Variants in NRXN3 observed in about 807,000 individuals in gnomAD.
The protein encoded by NRXN3 is neurexin 3.
In NRXN3, 32 loss-of-function variants were observed where a neutral mutation model predicts 137.6. That is an observed-to-expected ratio of 0.23 (90% CI 0.18 to 0.31). The LOEUF (loss-of-function observed/expected upper bound fraction) is 0.31, where lower values mean the gene tolerates loss of function less well. NRXN3 is among the 10% of genes least tolerant of loss of function. The pLI, the probability that NRXN3 is intolerant of heterozygous loss-of-function variation, is 1.00. For synonymous variants in NRXN3, 798 were observed against 784.5 expected (o/e 1.02, Z -0.29); for missense variants, 1,574 against 2,062.5 (o/e 0.76, Z 4.59).
At chr14:79,810,235 G>T (rs2099226953) in intron 20 of NRXN3, among the ~76,000 whole-genome samples, 1 of 152,144 alleles carries the variant, frequency 6.6e-6, no homozygotes, top group African/African-American at 2.4e-5. Context: ...TAATAAGTGG[G>T]CATGGCAATA....
chr14:79,254,683 G>A (rs1338374513), intron 15 of NRXN3, among the ~76,000 whole-genome samples: 1 of 152,132 alleles, frequency 6.6e-6, no homozygotes, highest in Non-Finnish European at 1.5e-5. Flanking sequence ...GCTGCCATCA[G>A]TTGAGAGGAA....
At chr14:79,518,344 C>T (rs1047840032) in intron 16 of NRXN3, among the ~76,000 whole-genome samples, 1 of 151,928 alleles carries the variant, frequency 6.6e-6, no homozygotes, top group Non-Finnish European at 1.5e-5. Context: ...CTTCTATGAC[C>T]TATATGTGTC....
intron 16 of NRXN3, among the ~76,000 whole-genome samples, chr14:79,476,797 G>A (rs562676454): frequency 6.4e-4 from 97 of 152,060 alleles, no homozygotes; most frequent in Non-Finnish European, 1.3e-3. Context: ...TATAATTGGG[G>A]CAACTAAAGT....
intron 15 of NRXN3, among the ~76,000 whole-genome samples, chr14:79,295,544 C>T (rs893098563): frequency 6.6e-6 from 1 of 152,108 alleles, no homozygotes; most frequent in Non-Finnish European, 1.5e-5. Flanking sequence ...GTTCTGAGAG[C>T]AGAGACCTTG....
intron 16 of NRXN3, among the ~76,000 whole-genome samples, chr14:79,526,840 T>G (rs1447187085): frequency 6.6e-6 from 1 of 152,176 alleles, no homozygotes; most frequent in East Asian, 1.9e-4. Flanking sequence ...ACTAGGTGTG[T>G]GTGTTACAAA....
Position 79,864,421 on chromosome 14 carries a change from C to G in NRXN3, c.*2457C>G, listed in dbSNP as rs2099417036. The G allele has an allele frequency of 6.6e-6, 1 of 152,606 alleles. No individual in the cohort carries two copies. Among genetic ancestry groups the G allele is most frequent in the South Asian group, 2.1e-4 (1 of 4,832 alleles). 9.5% of individuals were successfully genotyped at this position (152,606 alleles called of 1,614,324 possible). On this transcript the variant is annotated 3_prime_UTR_variant, in exon 21 of 21. Transcript: ENST00000335750. ...AGCAATAAAATGTTCTTCCCAAAACCTTGTATGCTGATGCACTTTTATTTT... is the reference window on the plus strand; with the variant it reads ...AGCAATAAAATGTTCTTCCCAAAACGTTGTATGCTGATGCACTTTTATTTT...
chr14:78,630,327 A>G (rs2097507188), intron 4 of NRXN3, among the ~76,000 whole-genome samples: 1 of 152,204 alleles, frequency 6.6e-6, no homozygotes, highest in African/African-American at 2.4e-5. Flanking sequence ...CTACTTTTCT[A>G]TTTATTTAAA....
At chr14:78,690,780 G>A (rs375696470) in intron 6 of NRXN3, among the ~76,000 whole-genome samples, 1 of 152,168 alleles carries the variant, frequency 6.6e-6, no homozygotes, top group African/African-American at 2.4e-5. Context: ...AGGAGGAACC[G>A]ATGAGTTTGC....
chr14:79,113,449 T>C (rs1294005762), intron 15 of NRXN3, among the ~76,000 whole-genome samples: 1 of 152,194 alleles, frequency 6.6e-6, no homozygotes, highest in African/African-American at 2.4e-5. Context: ...TTTAGTCTCT[T>C]AATCGGCCTC....
At chr14:78,917,133 T>G (rs911684166) in intron 10 of NRXN3, among the ~76,000 whole-genome samples, 1 of 152,158 alleles carries the variant, frequency 6.6e-6, no homozygotes, top group Non-Finnish European at 1.5e-5. Flanking sequence ...AACACCTCAT[T>G]AAGCCTGGAA....
rs572582153 is a variant in NRXN3 at position 78,412,620 on chromosome 14, C to T, written c.757+114760C>T. ...AAGGTTAGAAATGTTAAGTAACTTA[C>T]CCAAGGTCACCCAGCCAGTAAGGGG... On this transcript the variant is annotated intron_variant, in intron 4 of 20. Transcript: ENST00000335750. Among the ~76,000 whole-genome samples, 6 of 152,246 alleles carry T rather than the reference C, an allele frequency of 3.9e-5. No individual in the cohort carries two copies. The South Asian group carries it at 1.2e-3, about 32-fold the overall frequency.
chr14:79,789,239 G>A (rs1224240638), intron 19 of NRXN3, among the ~76,000 whole-genome samples: 1 of 152,122 alleles, frequency 6.6e-6, no homozygotes, highest in Non-Finnish European at 1.5e-5. Flanking sequence ...GTCTGGGTAG[G>A]GAATTTTAGG....
rs115699671 is a variant in NRXN3 at position 79,014,056 on chromosome 14, G to A, written c.3262+25915G>A. Among the ~76,000 whole-genome samples the A allele has an allele frequency of 6.2e-3, 941 of 152,240 alleles. 9 individuals carry two copies. The highest frequency in any genetic ancestry group is 0.021 in the African/African-American group (893 of 41,544). On this transcript the variant is annotated intron_variant, in intron 15 of 20. Transcript: ENST00000335750. ...GGTTGGCACCATCATTCACTAAAGT[G>A]GCCTGAGAAGTAAAAAACCTCTGTA...
chr14:78,209,508 T>G (rs923393128), intron 1 of NRXN3, among the ~76,000 whole-genome samples: 22 of 152,210 alleles, frequency 1.4e-4, no homozygotes, highest in African/African-American at 4.1e-4. Flanking sequence ...TCGGCATGGC[T>G]GGGCAGGCCT....
chr14:79,698,288 TATC>T (rs961566548), intron 19 of NRXN3, among the ~76,000 whole-genome samples: 2 of 152,042 alleles, frequency 1.3e-5, no homozygotes, highest in Admixed American at 6.6e-5. Context: ...GAAAATCTGT[TATC>T]ATATGAAAAG....
At chr14:78,902,726 A>G (rs113313213) in intron 10 of NRXN3, among the ~76,000 whole-genome samples, 338 of 152,150 alleles carry the variant, frequency 2.2e-3, no homozygotes, top group African/African-American at 7.4e-3. Flanking sequence ...TCCTTGTCTA[A>G]CTGAGTCCAG....
intron 15 of NRXN3, among the ~76,000 whole-genome samples, chr14:79,030,098 T>C (rs1361152343): frequency 6.7e-6 from 1 of 149,724 alleles, no homozygotes; most frequent in Non-Finnish European, 1.5e-5. Context: ...CTCAAGCTGG[T>C]CTTGAACTCC....
chr14:79,031,826 A>C (rs1265803960), intron 15 of NRXN3, among the ~76,000 whole-genome samples: 8 of 152,208 alleles, frequency 5.3e-5, no homozygotes, highest in Non-Finnish European at 1.2e-4. Context: ...GACCATATGT[A>C]AATTAATCAA....
At chr14:79,410,127 C>T (rs1439022293) in intron 15 of NRXN3, among the ~76,000 whole-genome samples, 1 of 151,648 alleles carries the variant, frequency 6.6e-6, no homozygotes, top group Non-Finnish European at 1.5e-5. Context: ...AAAATACATT[C>T]AATATAATCT....
Sources: gnomAD v4.1 joint callset for allele counts (sites outside exome capture counted in the v4.1 genomes callset) on GRCh38, gnomAD v4.1.1 for gene constraint, MANE v1.5 for transcripts, NCBI Gene and HGNC (gene_info 2026-07-23, HGNC 2026-07-21) for gene names.